TNR: variants seen among roughly 807,000 people sequenced by gnomAD.
TNR encodes tenascin-R.
In TNR, 45 loss-of-function variants were observed where a neutral mutation model predicts 150.4. The ratio of observed to expected loss-of-function variants is 0.30; its 90% confidence interval spans 0.24 to 0.38. The LOEUF (loss-of-function observed/expected upper bound fraction) is 0.38, where lower values mean the gene tolerates loss of function less well. TNR is among the 10% of genes least tolerant of loss of function. The pLI is 1.00. For missense variants in TNR, 1,544 were observed against 1,759.1 expected, an observed-to-expected ratio of 0.88 and a Z score of 2.19; for synonymous variants, 687 against 678.4, an observed-to-expected ratio of 1.01 and a Z score of -0.20.
chr1:175,396,787 G>A lies in TNR; in HGVS notation c.997C>T (p.Arg333Ter), dbSNP rs765616289. 3 of 1,613,792 alleles carry A rather than the reference G, an allele frequency of 1.9e-6. No individual in the cohort carries two copies. Among genetic ancestry groups the A allele is most frequent in the Non-Finnish European group, 2.5e-6 (3 of 1,179,764 alleles). Reference sequence around the variant, plus strand: ...GACCTGTCGCTGATACCAGCCACTCGCAAGTCCTCTGGAGGGGCAACTACC... The same window carrying A: ...GACCTGTCGCTGATACCAGCCACTCACAAGTCCTCTGGAGGGGCAACTACC... Reference protein sequence around the residue: ...CSAVAPPEDLRVAGISDRSIE... With the variant: ...CSAVAPPEDL Residue 333 changes from arginine (R) to a stop codon, truncating the protein, a stop_gained, in exon 5 of 23, where the codon CGA becomes TGA. Transcript: ENST00000367674. LOFTEE classifies it high-confidence loss of function.
intron 2 of TNR, among the ~76,000 whole-genome samples, chr1:175,443,367 A>G (rs1655881549): frequency 6.6e-6 from 1 of 152,136 alleles, no homozygotes; most frequent in Non-Finnish European, 1.5e-5. Context: ...AGGACGATCG[A>G]GGCGTGAATC....
intron 1 of TNR, among the ~76,000 whole-genome samples, chr1:175,534,747 A>G (rs1660203619): frequency 6.6e-6 from 1 of 152,170 alleles, no homozygotes. Flanking sequence ...TGCCCTGCCT[A>G]TAGTGGCTGA....
chr1:175,464,584 G>T (rs1656950951), intron 2 of TNR, among the ~76,000 whole-genome samples: 1 of 152,142 alleles, frequency 6.6e-6, no homozygotes, highest in South Asian at 2.1e-4. Context: ...ATTGTGCCTT[G>T]GATTATTCCT....
intron 1 of TNR, among the ~76,000 whole-genome samples, chr1:175,576,142 G>A (rs1176143442): frequency 6.6e-6 from 1 of 152,202 alleles, no homozygotes; most frequent in African/African-American, 2.4e-5. Flanking sequence ...TGGTAGGATG[G>A]CAGTGATGGC....
intron 2 of TNR, among the ~76,000 whole-genome samples, chr1:175,491,686 G>C (rs1230144764): frequency 2.7e-5 from 3 of 112,416 alleles, no homozygotes; most frequent in Non-Finnish European, 5.0e-5. Context: ...GTCTCGCTCT[G>C]TTGCCCAGGC....
At chr1:175,451,986 A>G (rs1418940729) in intron 2 of TNR, among the ~76,000 whole-genome samples, 1 of 152,162 alleles carries the variant, frequency 6.6e-6, no homozygotes, top group Admixed American at 6.5e-5. Flanking sequence ...TATTATGTCA[A>G]GTGTGCTGTG....
chr1:175,398,294 T>C (rs1653530734), intron 4 of TNR, among the ~76,000 whole-genome samples: 1 of 152,218 alleles, frequency 6.6e-6, no homozygotes. Context: ...TAAAACAGTC[T>C]AGAAAGCAGA....
At chr1:175,378,503 G>T (rs923910355) in intron 9 of TNR, among the ~76,000 whole-genome samples, 6 of 152,212 alleles carry the variant, frequency 3.9e-5, no homozygotes, top group African/African-American at 1.2e-4. Flanking sequence ...AGATGAAGCT[G>T]CCGGACAGAA....
chr1:175,394,654 C>T (rs367884217), intron 5 of TNR, among the ~76,000 whole-genome samples: 23 of 152,294 alleles, frequency 1.5e-4, no homozygotes, highest in African/African-American at 5.5e-4. Flanking sequence ...TCCAGGAAGC[C>T]TGCTCCCATT....
intron 1 of TNR, among the ~76,000 whole-genome samples, chr1:175,625,690 G>A (rs1441902962): frequency 2.0e-5 from 3 of 152,120 alleles, no homozygotes; most frequent in Non-Finnish European, 4.4e-5. Flanking sequence ...TGTGAGAGCA[G>A]GCACTGCAGA....
chr1:175,610,069 C>T lies in TNR; in HGVS notation c.-164-81700G>A, dbSNP rs188052448. Among the ~76,000 whole-genome samples, 8 of 152,228 alleles carry T rather than the reference C, an allele frequency of 5.3e-5. No individual in the cohort carries two copies. The East Asian group carries it at 1.5e-3, about 29-fold the overall frequency. On this transcript the variant is annotated intron_variant, in intron 1 of 22. Coordinates refer to ENST00000367674, the MANE Select transcript of TNR (RefSeq NM_003285.3). ...AAACAATTTTGAACATAAGCAGAAACCTGATTCAAGACAGATAATATAACC... is the reference window on the plus strand; with the variant it reads ...AAACAATTTTGAACATAAGCAGAAATCTGATTCAAGACAGATAATATAACC...
intron 1 of TNR, among the ~76,000 whole-genome samples, chr1:175,657,305 C>G (rs1054794252): frequency 1.3e-5 from 2 of 152,160 alleles, no homozygotes; most frequent in African/African-American, 2.4e-5. Context: ...AATAGGAACA[C>G]TTTTACACTG....
At chr1:175,382,303 T>A (rs1301185509) in intron 8 of TNR, among the ~76,000 whole-genome samples, 1 of 152,182 alleles carries the variant, frequency 6.6e-6, no homozygotes, top group Admixed American at 6.5e-5. Flanking sequence ...AAAAGTCTTG[T>A]TAAATATTTC....
chr1:175,719,402 G>A (rs1410043859), intron 1 of TNR, among the ~76,000 whole-genome samples: 1 of 152,206 alleles, frequency 6.6e-6, no homozygotes, highest in African/African-American at 2.4e-5. Flanking sequence ...GAGGCAGCCT[G>A]TGCAGCCATC....
At chr1:175,345,560 A>T (rs1413966053) in intron 18 of TNR, among the ~76,000 whole-genome samples, 1 of 152,190 alleles carries the variant, frequency 6.6e-6, no homozygotes, top group Non-Finnish European at 1.5e-5. Flanking sequence ...AATACAGCAG[A>T]TAGGGTGAAT....
At chr1:175,415,518 A>G (rs1376595405) in intron 2 of TNR, among the ~76,000 whole-genome samples, 4 of 152,222 alleles carry the variant, frequency 2.6e-5, no homozygotes, top group African/African-American at 7.2e-5. Flanking sequence ...GCCCCTGACC[A>G]CGTGCTGTTT....
At chr1:175,670,927 T>G (rs1191295310) in intron 1 of TNR, among the ~76,000 whole-genome samples, 1 of 152,120 alleles carries the variant, frequency 6.6e-6, no homozygotes, top group Non-Finnish European at 1.5e-5. Flanking sequence ...CTGGGAAAGA[T>G]CACTCTGAGA....
intron 2 of TNR, among the ~76,000 whole-genome samples, chr1:175,481,055 G>A (rs1657790722): frequency 1.3e-5 from 2 of 152,158 alleles, no homozygotes; most frequent in South Asian, 2.1e-4. Flanking sequence ...CTGTGGATTA[G>A]CATGCTTTAA....
chr1:175,544,401 A>T (rs1660610622), intron 1 of TNR, among the ~76,000 whole-genome samples: 1 of 152,178 alleles, frequency 6.6e-6, no homozygotes, highest in Non-Finnish European at 1.5e-5. Context: ...ACTGGACGGG[A>T]TAGGGGCAGG....
Sources: allele counts gnomAD v4.1 joint callset (sites outside exome capture counted in the v4.1 genomes callset), GRCh38; gene constraint gnomAD v4.1.1; transcripts MANE v1.5; gene names NCBI Gene and HGNC (gene_info 2026-07-23, HGNC 2026-07-21).